TBC1D5: variants seen among roughly 807,000 people sequenced by gnomAD.
The protein encoded by TBC1D5 is TBC1 domain family, member 5.
In TBC1D5, 75 loss-of-function variants were observed where a neutral mutation model predicts 100.3. That is an observed-to-expected ratio of 0.75 (90% confidence interval 0.62 to 0.91). The LOEUF (loss-of-function observed/expected upper bound fraction) is 0.91, where lower values mean the gene tolerates loss of function less well. TBC1D5 is among the 40% of genes least tolerant of loss of function. TBC1D5 has a pLI of 0.00. For missense variants in TBC1D5, 910 were observed against 942.4 expected, an observed-to-expected ratio of 0.97 and a Z score of 0.45; for synonymous variants, 323 against 325.6, an observed-to-expected ratio of 0.99 and a Z score of 0.09.
At chr3:17,657,826 A>T (rs974609162) in intron 1 of TBC1D5, among the ~76,000 whole-genome samples, 2 of 152,138 alleles carry the variant, frequency 1.3e-5, no homozygotes, top group Non-Finnish European at 2.9e-5. Context: ...CCTTTCTGCA[A>T]CTCCAATTTA....
chr3:17,248,085 G>A (rs1383171032), intron 16 of TBC1D5, among the ~76,000 whole-genome samples: 5 of 151,430 alleles, frequency 3.3e-5, no homozygotes, highest in Non-Finnish European at 7.4e-5. Flanking sequence ...TCTGCCTCCC[G>A]GGTTCAAGCG....
chr3:17,238,910 T>C (rs1303762650), intron 16 of TBC1D5, among the ~76,000 whole-genome samples: 2 of 152,162 alleles, frequency 1.3e-5, no homozygotes, highest in Admixed American at 1.3e-4. Flanking sequence ...TAGGTCAAAT[T>C]TAATATGATT....
At position 17,351,929 on chromosome 3, in the gene TBC1D5, G is replaced by GT. The variant is rs547486240; in HGVS notation, c.995+20145dup. ...TTTTCTCCTACCCTTTTCTGAATCC[G>GT]TTTTTTTTTCCCCCCAAAAAAACCC... On this transcript the variant is annotated intron_variant, in intron 13 of 21. Coordinates refer to ENST00000253692, the Ensembl canonical transcript of TBC1D5. 1.4e-3 allele frequency among the ~76,000 whole-genome samples: 192 copies of GT among 140,240 alleles called. 2 individuals carry two copies. In the South Asian group the frequency reaches 0.02, roughly 14 times the overall value. 92.0% of individuals were successfully genotyped at this position (140,240 alleles called of 152,430 possible).
chr3:17,669,967 C>A lies in TBC1D5; in HGVS notation c.-100-46054G>T, dbSNP rs563429563. ...ATGGCGCGATCTCGGCTCACTGCAACCTCCGCCTCCCGGGTTCAAGAGATT... is the reference window on the plus strand; with the variant it reads ...ATGGCGCGATCTCGGCTCACTGCAAACTCCGCCTCCCGGGTTCAAGAGATT... On this transcript the variant is annotated intron_variant, in intron 1 of 21. Transcript: ENST00000253692. 4.1e-3 allele frequency among the ~76,000 whole-genome samples: 632 copies of A among 152,300 alleles called. 7 individuals carry two copies. Among genetic ancestry groups the A allele is most frequent in the South Asian group, 0.01 (49 of 4,826 alleles).
intron 1 of TBC1D5, among the ~76,000 whole-genome samples, chr3:17,737,104 T>C (rs1440470703): frequency 6.6e-6 from 1 of 152,154 alleles, no homozygotes; most frequent in Non-Finnish European, 1.5e-5. Flanking sequence ...GCAAACAGAA[T>C]GCATACCTCT....
chr3:17,740,204 T>C (rs1277360438), exon 1 of TBC1D5: 1 of 151,808 alleles, frequency 6.6e-6, no homozygotes, highest in South Asian at 2.1e-4. Context: ...GGCGGGCGGC[T>C]ATAATCCTGG....
At chr3:17,704,980 G>A (rs1445557502) in intron 1 of TBC1D5, among the ~76,000 whole-genome samples, 1 of 123,044 alleles carries the variant, frequency 8.1e-6, no homozygotes. Flanking sequence ...CTCCCAGACG[G>A]GGCGGCTGGC....
chr3:17,215,049 A>C (rs971775850), intron 17 of TBC1D5, among the ~76,000 whole-genome samples: 1 of 152,066 alleles, frequency 6.6e-6, no homozygotes, highest in African/African-American at 2.4e-5. Context: ...CAGGGGGATC[A>C]GAACAGGTAG....
intron 2 of TBC1D5, among the ~76,000 whole-genome samples, chr3:17,542,330 T>C (rs981944854): frequency 1.3e-5 from 2 of 152,022 alleles, no homozygotes; most frequent in African/African-American, 2.4e-5. Flanking sequence ...TAAAAACATA[T>C]TAGAATAAGA....
intron 3 of TBC1D5, among the ~76,000 whole-genome samples, chr3:17,467,779 C>G (rs1470928873): frequency 6.6e-6 from 1 of 151,872 alleles, no homozygotes; most frequent in Non-Finnish European, 1.5e-5. Flanking sequence ...CATTTGTAAT[C>G]CTAGCTACTC....
At chr3:17,186,486 A>G (rs2069086510) in intron 18 of TBC1D5, among the ~76,000 whole-genome samples, 1 of 152,098 alleles carries the variant, frequency 6.6e-6, no homozygotes, top group Non-Finnish European at 1.5e-5. Flanking sequence ...AGGCAGGCAG[A>G]TCACTTGAGG....
At chr3:17,474,700 C>T (rs1057416349) in intron 3 of TBC1D5, among the ~76,000 whole-genome samples, 1 of 151,950 alleles carries the variant, frequency 6.6e-6, no homozygotes, top group Admixed American at 6.6e-5. Flanking sequence ...TCATTGACAT[C>T]GAAAGTAAAA....
At chr3:17,660,622 T>C (rs1434655283) in intron 1 of TBC1D5, among the ~76,000 whole-genome samples, 4 of 152,242 alleles carry the variant, frequency 2.6e-5, no homozygotes, top group African/African-American at 9.6e-5. Context: ...GTTCTAGCTA[T>C]GGACAGTAGC....
intron 1 of TBC1D5, among the ~76,000 whole-genome samples, chr3:17,683,871 A>G (rs2069861636): frequency 6.6e-6 from 1 of 152,226 alleles, no homozygotes; most frequent in Non-Finnish European, 1.5e-5. Context: ...TATTATTATA[A>G]AAGTCTACAT....
At chr3:17,672,092 C>A (rs992339217) in intron 1 of TBC1D5, among the ~76,000 whole-genome samples, 1 of 152,184 alleles carries the variant, frequency 6.6e-6, no homozygotes, top group African/African-American at 2.4e-5. Flanking sequence ...ACAGCTTTCT[C>A]TTTAATGGTT....
Position 17,455,502 on chromosome 3 carries a change from A to G in TBC1D5, c.98-26983T>C, listed in dbSNP as rs542566462. ...TATGTATATATATGTGTATATATAT[A>G]TGTGTGTGTGTATATATATATATAT... is the stretch of plus-strand genomic sequence containing the variant. On this transcript the variant is annotated intron_variant, in intron 3 of 21. Coordinates refer to ENST00000253692, the Ensembl canonical transcript of TBC1D5. Among the ~76,000 whole-genome samples the G allele has an allele frequency of 1.2e-3, 142 of 120,986 alleles. 1 individual carries two copies. The highest frequency in any genetic ancestry group is 4.3e-3 in the African/African-American group (111 of 25,806). The allele number at this position is 120,986 out of a possible 152,430, so 79.4% of individuals were successfully genotyped here.
At chr3:17,372,321 A>T (rs1327450530) in intron 12 of TBC1D5, 74 bp from the exon 13 acceptor site, 1 of 1,351,472 alleles carries the variant, frequency 7.4e-7, no homozygotes, top group Non-Finnish European at 9.9e-7. Context: ...TTCTTTATCA[A>T]TGACAGTTTA....
chr3:17,547,134 G>C (rs1205011560), intron 2 of TBC1D5: 1 of 152,158 alleles, frequency 6.6e-6, no homozygotes, highest in Non-Finnish European at 1.5e-5. Context: ...TACAGTAATT[G>C]ATACAAGGGA....
At chr3:17,220,980 A>AT (rs1394267743) in intron 17 of TBC1D5, among the ~76,000 whole-genome samples, 1 of 152,066 alleles carries the variant, frequency 6.6e-6, no homozygotes, top group Non-Finnish European at 1.5e-5. Context: ...AGTGTTAGTG[A>AT]TTTTTTAAAG....
Sources: gnomAD v4.1 joint callset for allele counts (sites outside exome capture counted in the v4.1 genomes callset) on GRCh38, gnomAD v4.1.1 for gene constraint, MANE v1.5 for transcripts, NCBI Gene and HGNC (gene_info 2026-07-23, HGNC 2026-07-21) for gene names.